The following DNAH3 variants were observed in gnomAD, a reference collection of about 807,000 sequenced individuals.
DNAH3 encodes the protein dynein axonemal heavy chain 3.
A neutral mutation model predicts 432.5 loss-of-function variants in DNAH3; 332 were observed. That is an observed-to-expected ratio of 0.77 (90% CI 0.70 to 0.84). DNAH3 has a LOEUF of 0.84. Among genes scored for constraint, DNAH3 ranks in the 40% least tolerant of loss-of-function variants. The pLI is 0.00. For synonymous variants in DNAH3, 1,956 were observed against 1,900.2 expected (o/e 1.03, Z -0.76); for missense variants, 4,861 against 5,114.0 (o/e 0.95, Z 1.51).
intron 16 of DNAH3, among the ~76,000 whole-genome samples, chr16:21,099,222 T>C (rs144614704): frequency 9.2e-4 from 130 of 141,028 alleles, no homozygotes; most frequent in African/African-American, 3.3e-3. Flanking sequence ...GAGGGAGACC[T>C]AGACAATAGA....
chr16:21,117,001 A>G (rs987231336), intron 12 of DNAH3, among the ~76,000 whole-genome samples: 9 of 152,134 alleles, frequency 5.9e-5, no homozygotes, highest in Admixed American at 4.6e-4. Context: ...TCTACTAACT[A>G]TTTGCTATGT....
At chr16:21,132,154 G>T (rs537787728) in intron 7 of DNAH3, among the ~76,000 whole-genome samples, 1 of 152,076 alleles carries the variant, frequency 6.6e-6, no homozygotes, top group Non-Finnish European at 1.5e-5. Context: ...TCTGTCCTAC[G>T]TTGACTTCAC....
intron 55 of DNAH3, 101 bp downstream of exon 55, chr16:20,954,712 A>T: frequency 7.4e-7 from 1 of 1,349,840 alleles, no homozygotes; most frequent in Non-Finnish European, 1.0e-6. Context: ...TCTTACTGGC[A>T]ACCCTATCTG....
chr16:20,937,473 T>G (rs2083635445), intron 59 of DNAH3, among the ~76,000 whole-genome samples: 2 of 152,036 alleles, frequency 1.3e-5, no homozygotes, highest in Non-Finnish European at 2.9e-5. Flanking sequence ...AAAATATTTC[T>G]AGGTCAAAGA....
chr16:21,065,978 C>A (rs2090531033), intron 24 of DNAH3, among the ~76,000 whole-genome samples: 1 of 152,022 alleles, frequency 6.6e-6, no homozygotes, highest in Non-Finnish European at 1.5e-5. Context: ...AGGTGCCCCC[C>A]ACCACACCTG....
At chr16:20,987,909 C>A (rs1253731734) in intron 45 of DNAH3, 33 bp downstream of exon 45, 1 of 1,614,024 alleles carries the variant, frequency 6.2e-7, no homozygotes, top group Non-Finnish European at 8.5e-7. Flanking sequence ...GAACCCCCAG[C>A]CCACTATCCA....
At chr16:20,967,469 T>C (rs2085112454) in intron 52 of DNAH3, among the ~76,000 whole-genome samples, 2 of 146,768 alleles carry the variant, frequency 1.4e-5, no homozygotes, top group Non-Finnish European at 1.5e-5. Flanking sequence ...TGAGACTCTC[T>C]AGGAGTGGGG....
intron 27 of DNAH3, among the ~76,000 whole-genome samples, chr16:21,057,281 C>T (rs1349742453): frequency 6.6e-6 from 1 of 152,124 alleles, no homozygotes. Context: ...AACAAACAAA[C>T]AAATCCCCAA....
chr16:20,941,373 A>C, intron 59 of DNAH3, 28 bp downstream of exon 59: 1 of 1,612,868 alleles, frequency 6.2e-7, no homozygotes, highest in South Asian at 1.1e-5. Context: ...TCCAACTCCC[A>C]GGATTCAAGC....
At chr16:21,106,409 CTA>C (rs2091947664) in intron 15 of DNAH3, 79 bp downstream of exon 15, 5 of 1,115,628 alleles carry the variant, frequency 4.5e-6, no homozygotes, top group Non-Finnish European at 6.1e-6. Context: ...TACATATAGA[CTA>C]TTTGAAATGT....
chr16:21,103,296 C>T (rs2091877554), intron 16 of DNAH3, among the ~76,000 whole-genome samples: 2 of 132,568 alleles, frequency 1.5e-5, no homozygotes, highest in South Asian at 2.6e-4. Flanking sequence ...ACCTGTTCCC[C>T]CAAAAACCTA....
chr16:20,938,408 G>A (rs2083676136), intron 59 of DNAH3, among the ~76,000 whole-genome samples: 2 of 141,846 alleles, frequency 1.4e-5, no homozygotes, highest in African/African-American at 5.1e-5. Context: ...AAAAAAAAAA[G>A]GAATGTAAAA....
intron 49 of DNAH3, among the ~76,000 whole-genome samples, chr16:20,981,218 C>G (rs1022999664): frequency 6.6e-6 from 1 of 152,162 alleles, no homozygotes; most frequent in Non-Finnish European, 1.5e-5. Context: ...ACATTCATAA[C>G]TGGAGGAAAT....
At chr16:21,159,235 A>G in intron 1 of DNAH3, 1 of 1,158,696 alleles carries the variant, frequency 8.6e-7, no homozygotes, top group African/African-American at 1.5e-5. Context: ...GGGCTTCTTT[A>G]CCCCCAAATT....
intron 41 of DNAH3, among the ~76,000 whole-genome samples, chr16:21,016,195 CTT>C (rs138292178): frequency 0.015 from 2,326 of 152,254 alleles, 55 homozygotes; most frequent in African/African-American, 0.053. Flanking sequence ...TTACCGATCT[CTT>C]GACTCAGCAA....
At chr16:21,075,890 T>G (rs1160622157) in intron 20 of DNAH3, among the ~76,000 whole-genome samples, 1 of 107,798 alleles carries the variant, frequency 9.3e-6, no homozygotes, top group Non-Finnish European at 1.7e-5. Context: ...CACTCCACTC[T>G]GGAAAACAGA....
chr16:21,030,129 T>C (rs1017976398), intron 37 of DNAH3, among the ~76,000 whole-genome samples: 3 of 152,168 alleles, frequency 2.0e-5, no homozygotes, highest in East Asian at 1.9e-4. Flanking sequence ...GCCCAGCCCA[T>C]ATGCACTTTT....
chr16:21,087,992 A>G (rs1004008647), intron 18 of DNAH3, among the ~76,000 whole-genome samples: 7 of 152,134 alleles, frequency 4.6e-5, no homozygotes, highest in Non-Finnish European at 7.3e-5. Context: ...TTTTGCTAAG[A>G]ACCTTTAGCA....
chr16:21,024,182 G>C (rs1043847661), intron 39 of DNAH3, among the ~76,000 whole-genome samples: 1 of 152,168 alleles, frequency 6.6e-6, no homozygotes, highest in African/African-American at 2.4e-5. Context: ...GGTGGGAGGT[G>C]CAGAGTCCAG....
Sources: allele counts gnomAD v4.1 joint callset (sites outside exome capture counted in the v4.1 genomes callset), GRCh38; gene constraint gnomAD v4.1.1; transcripts MANE v1.5; gene names NCBI Gene and HGNC (gene_info 2026-07-23, HGNC 2026-07-21).